Variants in MMP26 observed in about 807,000 individuals in gnomAD.
The protein encoded by MMP26 is matrix metallopeptidase 26, also known as matrix metalloproteinase-26.
Under a neutral mutation model 31.0 loss-of-function variants are expected in MMP26, and 33 were observed. The ratio of observed to expected loss-of-function variants is 1.06; its 90% CI spans 0.81 to 1.42. The LOEUF (loss-of-function observed/expected upper bound fraction) is 1.42. Ranked by LOEUF, MMP26 falls within the 40% of genes most tolerant of loss-of-function variation. The pLI, the probability that MMP26 is intolerant of heterozygous loss-of-function variation, is 0.00. For synonymous variants in MMP26, 122 were observed against 114.9 expected, an observed-to-expected ratio of 1.06 and a Z score of -0.40; for missense variants, 347 against 316.1, an observed-to-expected ratio of 1.10 and a Z score of -0.74.
At chr11:4,898,829 CTCTGTGTG>C (rs1426549779) in intron 2 of MMP26, among the ~76,000 whole-genome samples, 5,169 of 125,226 alleles carry the variant, frequency 0.041, 240 homozygotes, top group African/African-American at 0.12. Context: ...CTCTCTCTCT[CTCTGTGTG>C]TGTGTGTGTG....
chr11:4,891,252 A>G (rs1360005991), intron 2 of MMP26, among the ~76,000 whole-genome samples: 1 of 152,104 alleles, frequency 6.6e-6, no homozygotes, highest in East Asian at 1.9e-4. Flanking sequence ...TGGCACTGCC[A>G]TCTGGTTGGG....
rs1846963056 is a variant in MMP26, at chr11:4,989,645, C to A, written c.100-3C>A. 6.2e-7 allele frequency: 1 copy of A among 1,608,966 alleles called. No individual in the cohort carries two copies. Among genetic ancestry groups the A allele is most frequent in the Admixed American group, 1.7e-5 (1 of 59,734 alleles). On this transcript the variant is annotated splice_region_variant and splice_polypyrimidine_tract_variant and intron_variant, in intron 3 of 7. Coordinates refer to ENST00000380390, the MANE Select transcript of MMP26 (RefSeq NM_021801.5). The stretch of plus-strand genomic sequence containing the variant: ...AGTACTCATCCTTCTTGATCTGATT[C>A]AGGGCTATTTCCATCAATTTTTCCT...
At chr11:4,771,065 A>T (rs779363921) in intron 2 of MMP26, among the ~76,000 whole-genome samples, 1 of 152,220 alleles carries the variant, frequency 6.6e-6, no homozygotes, top group Non-Finnish European at 1.5e-5. Context: ...GAAACTTGGC[A>T]GTGAAGGCAA....
intron 2 of MMP26, among the ~76,000 whole-genome samples, chr11:4,967,581 G>C (rs953209788): frequency 9.2e-5 from 14 of 152,146 alleles, no homozygotes; most frequent in African/African-American, 3.4e-4. Context: ...ACTGGGAACG[G>C]TGTAAGCCAG....
chr11:4,863,589 A>C (rs1266407403), intron 2 of MMP26: 2 of 152,166 alleles, frequency 1.3e-5, no homozygotes, highest in Non-Finnish European at 2.9e-5. Flanking sequence ...AGGACATGGA[A>C]AAAATCTTTT....
chr11:4,711,716 A>G (rs1847864149), intron 1 of MMP26: 1 of 152,144 alleles, frequency 6.6e-6, no homozygotes, highest in African/African-American at 2.4e-5. Flanking sequence ...AGATTCCTCA[A>G]TTCCGCTCCA....
chr11:4,954,538 G>C (rs1846408738), intron 2 of MMP26, among the ~76,000 whole-genome samples: 1 of 124,716 alleles, frequency 8.0e-6, no homozygotes, highest in East Asian at 2.3e-4. Flanking sequence ...GTTTGTATCA[G>C]AGGTGCTATC....
rs955929380 is a variant in MMP26 at position 4,948,566 on chromosome 11, C to A, written c.-144-39502C>A. ...TATTATTTTTAGCATTCTAAACTGA[C>A]TACTAGTTGATTCTAGTGGATAAGA... On this transcript the variant is annotated intron_variant, in intron 2 of 7. Transcript: ENST00000380390. Among the ~76,000 whole-genome samples, 25 of 123,776 alleles carry A rather than the reference C, an allele frequency of 2.0e-4. 5 individuals are homozygous for A. The highest frequency in any genetic ancestry group is 6.8e-4 in the African/African-American group (25 of 36,582). 81.2% of individuals were successfully genotyped at this position (123,776 alleles called of 152,430 possible).
chr11:4,801,147 C>T (rs1255820146), intron 2 of MMP26, among the ~76,000 whole-genome samples: 1 of 152,170 alleles, frequency 6.6e-6, no homozygotes, highest in East Asian at 1.9e-4. Flanking sequence ...TCCAAACTTT[C>T]CCTTGTCTTC....
intron 1 of MMP26, among the ~76,000 whole-genome samples, chr11:4,708,987 T>C (rs910861750): frequency 1.3e-5 from 2 of 152,226 alleles, no homozygotes; most frequent in African/African-American, 4.8e-5. Flanking sequence ...TCTTTCCTGG[T>C]ACTTAGTTTT....
intron 2 of MMP26, chr11:4,804,600 C>A: frequency 1.4e-6 from 1 of 735,876 alleles, no homozygotes; most frequent in Non-Finnish European, 2.6e-6. Flanking sequence ...TTATGTCATT[C>A]AAAATGGGGT....
At chr11:4,834,905 T>C (rs1849695343) in intron 2 of MMP26, among the ~76,000 whole-genome samples, 1 of 152,044 alleles carries the variant, frequency 6.6e-6, no homozygotes. Context: ...TCTATATATA[T>C]ATAAAATTAT....
intron 1 of MMP26, among the ~76,000 whole-genome samples, chr11:4,741,650 G>C (rs561531199): frequency 6.7e-6 from 1 of 149,886 alleles, no homozygotes; most frequent in South Asian, 2.1e-4. Flanking sequence ...CCTGTTGGGG[G>C]TGGGTGGGGG....
Position 4,988,061 on chromosome 11 carries a change from T to A in MMP26, c.-144-7T>A. Reference sequence around the variant, plus strand: ...CCCTTGCATGCTGGTCACTCTGCCCTCAGCAGGTATGGATGATGACGCCAC... The same window carrying A: ...CCCTTGCATGCTGGTCACTCTGCCCACAGCAGGTATGGATGATGACGCCAC... On this transcript the variant is annotated splice_polypyrimidine_tract_variant and splice_region_variant and intron_variant, in intron 2 of 7. Transcript: ENST00000380390. The A allele has an allele frequency of 7.0e-6, 5 of 709,340 alleles. No individual in the cohort carries two copies. Among genetic ancestry groups the A allele is most frequent in the Non-Finnish European group, 1.3e-5 (5 of 388,682 alleles). 43.9% of individuals were successfully genotyped at this position (709,340 alleles called of 1,614,324 possible).
chr11:4,942,571 A>C (rs916598957), intron 2 of MMP26, among the ~76,000 whole-genome samples: 11 of 152,152 alleles, frequency 7.2e-5, no homozygotes, highest in Non-Finnish European at 1.2e-4. Context: ...GTTTCTAAAA[A>C]TCTTTTAAAA....
intron 2 of MMP26, among the ~76,000 whole-genome samples, chr11:4,931,112 T>C (rs2133590667): frequency 6.6e-6 from 1 of 152,156 alleles, no homozygotes; most frequent in South Asian, 2.1e-4. Context: ...TATTGCAAGC[T>C]TGAATTTTTT....
chr11:4,971,051 C>T (rs565544756), intron 2 of MMP26, among the ~76,000 whole-genome samples: 1 of 152,246 alleles, frequency 6.6e-6, no homozygotes, highest in Non-Finnish European at 1.5e-5. Flanking sequence ...AGTAATAAAA[C>T]GTTCTCACAA....
intron 1 of MMP26, among the ~76,000 whole-genome samples, chr11:4,750,619 G>A (rs77597762): frequency 0.019 from 2,854 of 152,082 alleles, 49 homozygotes; most frequent in Middle Eastern, 0.031. Flanking sequence ...GTTTTTTGCA[G>A]TAACATTGAT....
At chr11:4,968,422 A>C (rs1846623802) in intron 2 of MMP26, among the ~76,000 whole-genome samples, 1 of 152,004 alleles carries the variant, frequency 6.6e-6, no homozygotes, top group Non-Finnish European at 1.5e-5. Flanking sequence ...CTCAAGATCA[A>C]TTCAAGAACA....
Sources: allele counts gnomAD v4.1 joint callset (sites outside exome capture counted in the v4.1 genomes callset), GRCh38; gene constraint gnomAD v4.1.1; transcripts MANE v1.5; gene names NCBI Gene and HGNC (gene_info 2026-07-23, HGNC 2026-07-21).